PCDH11X: variants seen among roughly 807,000 people sequenced by gnomAD.
The protein encoded by PCDH11X is protocadherin-11 X-linked.
In PCDH11X, 18 loss-of-function variants were observed where a neutral mutation model predicts 53.3. That is an observed-to-expected ratio of 0.34 (90% CI 0.23 to 0.50). The LOEUF (loss-of-function observed/expected upper bound fraction) is 0.50. PCDH11X is among the 20% of genes least tolerant of loss of function. The pLI is 0.98. For synonymous variants in PCDH11X, 279 were observed against 393.3 expected (o/e 0.71, Z 3.44); for missense variants, 570 against 1,032.4 (o/e 0.55, Z 6.14).
intron 6 of PCDH11X, among the ~76,000 whole-genome samples, chrX:92,127,300 T>C (rs2064885093): frequency 9.2e-6 from 1 of 108,305 alleles, no homozygotes; most frequent in South Asian, 4.0e-4. Context: ...GTGCTTTCCG[T>C]ACCAGCCAAA....
intron 6 of PCDH11X, among the ~76,000 whole-genome samples, chrX:91,903,998 G>A (rs1337570868): frequency 1.0e-4 from 11 of 109,489 alleles, no homozygotes; most frequent in Admixed American, 9.9e-4. Flanking sequence ...AAGATAATCA[G>A]GAGTGTAAGT....
At chrX:92,346,996 TGA>T (rs2069915037) in intron 8 of PCDH11X, among the ~76,000 whole-genome samples, 1 of 111,903 alleles carries the variant, frequency 8.9e-6, no homozygotes, top group South Asian at 3.6e-4. Flanking sequence ...AAATCACTTT[TGA>T]GTCATTCCCT....
intron 9 of PCDH11X, among the ~76,000 whole-genome samples, chrX:92,408,377 G>A (rs750639248): frequency 2.1e-3 from 220 of 105,553 alleles, no homozygotes; most frequent in African/African-American, 6.9e-3. Flanking sequence ...GCAAATAACT[G>A]CAGTTTTTTC....
intron 10 of PCDH11X, among the ~76,000 whole-genome samples, chrX:92,543,765 G>T (rs1183879161): frequency 1.3e-4 from 13 of 100,928 alleles, no homozygotes; most frequent in African/African-American, 4.6e-4. Context: ...GTGACAGAGC[G>T]AGACTCTGCC....
At chrX:92,186,640 A>AG (rs2066103256) in intron 6 of PCDH11X, among the ~76,000 whole-genome samples, 1 of 109,351 alleles carries the variant, frequency 9.1e-6, no homozygotes, top group South Asian at 3.9e-4. Context: ...AAAAAAAAAA[A>AG]AAAAAAAGAG....
At position 92,176,114 on chromosome X, in the gene PCDH11X, C is replaced by T. The variant is rs148152095; in HGVS notation, c.3034-25261C>T. Among the ~76,000 whole-genome samples, 422 of 110,951 alleles carry T rather than the reference C, an allele frequency of 3.8e-3. 2 individuals are homozygous for T. Among genetic ancestry groups the T allele is most frequent in the Non-Finnish European group, 6.7e-3 (357 of 53,008 alleles). The stretch of plus-strand genomic sequence containing the variant: ...GCTTAGCAGAATGAAGCAGAGTGAA[C>T]GAGAGCAACTGACATATGGTGCATC... On this transcript the variant is annotated intron_variant, in intron 6 of 10. Coordinates refer to ENST00000682573, the MANE Select transcript of PCDH11X (RefSeq NM_032968.5).
intron 6 of PCDH11X, among the ~76,000 whole-genome samples, chrX:92,192,372 C>G (rs1471896885): frequency 1.8e-5 from 2 of 111,871 alleles, no homozygotes; most frequent in Non-Finnish European, 3.8e-5. Flanking sequence ...GAGATGGAGT[C>G]TCGCTCTGTC....
At chrX:92,017,479 G>A (rs1188949832) in intron 6 of PCDH11X, among the ~76,000 whole-genome samples, 4 of 106,277 alleles carry the variant, frequency 3.8e-5, no homozygotes, top group African/African-American at 6.9e-5. Flanking sequence ...TGGGCAGATC[G>A]CTTGAGGTCA....
intron 6 of PCDH11X, among the ~76,000 whole-genome samples, chrX:92,192,882 G>A: frequency 9.0e-6 from 1 of 111,134 alleles, no homozygotes. Context: ...GGGATTACAG[G>A]CATGTGCCAC....
intron 4 of PCDH11X, among the ~76,000 whole-genome samples, chrX:91,829,263 T>A (rs1406572193): frequency 5.5e-5 from 6 of 109,422 alleles, no homozygotes; most frequent in African/African-American, 2.0e-4. Context: ...TATTTAGCCT[T>A]ATATATAAAA....
intron 8 of PCDH11X, among the ~76,000 whole-genome samples, chrX:92,364,304 C>T (rs2070412905): frequency 8.9e-6 from 1 of 111,936 alleles, no homozygotes; most frequent in Admixed American, 9.5e-5. Flanking sequence ...TATGGCATAG[C>T]CTATTGTTCC....
In PCDH11X at chrX:92,619,543, C is replaced by T. The variant is rs1239386902; in HGVS notation, c.*603C>T. The T allele has an allele frequency of 1.9e-5, 2 of 107,354 alleles. No individual in the cohort carries two copies. Among genetic ancestry groups the T allele is most frequent in the Admixed American group, 9.9e-5 (1 of 10,121 alleles). The allele number at this position is 107,354 out of a possible 1,213,427, so 8.8% of individuals were successfully genotyped here. A position where few individuals can be genotyped will look rare whatever the true frequency, so the allele number is the denominator to read the frequency against. ...TCATGTTTTCTACCTTATTCCAATA[C>T]TATATTGTTGATAAAATTTGTATAT... On this transcript the variant is annotated 3_prime_UTR_variant, in exon 11 of 11. Coordinates refer to ENST00000682573, the MANE Select transcript of PCDH11X (RefSeq NM_032968.5).
chrX:92,005,387 G>A lies in PCDH11X; in HGVS notation c.3033+126114G>A, dbSNP rs748896361. The stretch of plus-strand genomic sequence containing the variant: ...TATGCTTTTTGGTTTGGAGGTTACC[G>A]TGAGGCTTGCAAATACTAACTTATA... On this transcript the variant is annotated intron_variant, in intron 6 of 10. Coordinates refer to ENST00000682573, the MANE Select transcript of PCDH11X (RefSeq NM_032968.5). Among the ~76,000 whole-genome samples, 228 of 110,547 alleles carry A rather than the reference G, an allele frequency of 2.1e-3. 2 individuals are homozygous for A. The highest frequency in any genetic ancestry group is 4.6e-3 in the South Asian group (12 of 2,587).
chrX:92,149,511 A>C (rs1007647183), intron 6 of PCDH11X, among the ~76,000 whole-genome samples: 3 of 106,305 alleles, frequency 2.8e-5, no homozygotes, highest in Non-Finnish European at 5.7e-5. Flanking sequence ...ATGTATGTAT[A>C]TATATGGCAT....
intron 6 of PCDH11X, among the ~76,000 whole-genome samples, chrX:92,107,726 G>A (rs981601937): frequency 4.5e-5 from 5 of 111,809 alleles, no homozygotes; most frequent in African/African-American, 1.6e-4. Context: ...AAATGTATTT[G>A]ATTGATGTCT....
intron 7 of PCDH11X, among the ~76,000 whole-genome samples, chrX:92,222,609 T>C (rs2066902974): frequency 8.9e-6 from 1 of 112,019 alleles, no homozygotes; most frequent in African/African-American, 3.2e-5. Context: ...GTTCCAACTT[T>C]CCACTCATAT....
intron 8 of PCDH11X, among the ~76,000 whole-genome samples, chrX:92,314,624 G>A (rs1388962767): frequency 9.0e-6 from 1 of 111,119 alleles, no homozygotes; most frequent in African/African-American, 3.3e-5. Context: ...CCACAAACAC[G>A]AGTAATGCAT....
At chrX:92,487,402 T>C (rs374421390) in intron 10 of PCDH11X, among the ~76,000 whole-genome samples, 2 of 111,524 alleles carry the variant, frequency 1.8e-5, no homozygotes, top group Non-Finnish European at 3.8e-5. Context: ...TAGTACTTAA[T>C]GTTTTTAATT....
At chrX:92,079,278 A>T (rs2148096446) in intron 6 of PCDH11X, among the ~76,000 whole-genome samples, 1 of 112,068 alleles carries the variant, frequency 8.9e-6, no homozygotes, top group Admixed American at 9.5e-5. Flanking sequence ...TTGTAACCTC[A>T]CAATCAATAC....
Sources: allele counts gnomAD v4.1 joint callset (sites outside exome capture counted in the v4.1 genomes callset), GRCh38; gene constraint gnomAD v4.1.1; transcripts MANE v1.5; gene names NCBI Gene and HGNC (gene_info 2026-07-23, HGNC 2026-07-21).